The following FAAH2 variants were observed in gnomAD, a reference collection of about 807,000 sequenced individuals.
FAAH2 encodes the protein fatty-acid amide hydrolase 2.
A neutral mutation model predicts 36.9 loss-of-function variants in FAAH2; 60 were observed. The observed-to-expected ratio is 1.63, with a 90% CI of 1.32 to 2.02. The LOEUF (loss-of-function observed/expected upper bound fraction) is 2.02, where lower values mean the gene tolerates loss of function less well. Among genes scored for constraint, FAAH2 ranks in the 30% most tolerant of loss-of-function variants. The probability of loss-of-function intolerance (pLI) is 0.00; values close to 1 mark genes in which losing one functional copy is unlikely to be tolerated. For missense variants in FAAH2, 689 were observed against 397.5 expected (o/e 1.73, Z -6.23); for synonymous variants, 214 against 143.8 (o/e 1.49, Z -3.49).
At chrX:57,149,162 T>G in the FAAH2 span, among the ~76,000 whole-genome samples, 1 of 111,947 alleles carries the variant, frequency 8.9e-6, no homozygotes, top group Non-Finnish European at 1.9e-5. Context: ...GTTTTGCCAG[T>G]ATTTTATTGA....
intron 8 of FAAH2, among the ~76,000 whole-genome samples, chrX:57,433,078 G>A (rs946894446): frequency 1.4e-4 from 16 of 111,143 alleles, no homozygotes; most frequent in South Asian, 7.5e-4. Flanking sequence ...CACAAGGGGA[G>A]GAGGTTTGGC....
intron 7 of FAAH2, among the ~76,000 whole-genome samples, chrX:57,416,475 C>T (rs1390399486): frequency 9.0e-6 from 1 of 111,502 alleles, no homozygotes; most frequent in Non-Finnish European, 1.9e-5. Flanking sequence ...TTTTATTTCT[C>T]CTTTGCTCAT....
chrX:57,181,425 C>T, the FAAH2 span, among the ~76,000 whole-genome samples: 1 of 111,194 alleles, frequency 9.0e-6, no homozygotes, highest in Non-Finnish European at 1.9e-5. Context: ...AAATCGCTAT[C>T]GTTTTAATAT....
chrX:57,146,379 G>T, the FAAH2 span, among the ~76,000 whole-genome samples: 1 of 111,585 alleles, frequency 9.0e-6, no homozygotes, highest in Non-Finnish European at 1.9e-5. Flanking sequence ...GTCACTGTTG[G>T]TGTATAGCAG....
chrX:57,242,772 G>T, the FAAH2 span, among the ~76,000 whole-genome samples: 10 of 112,366 alleles, frequency 8.9e-5, no homozygotes, highest in East Asian at 2.0e-3. Flanking sequence ...CACAGACCAG[G>T]AGATTCCCTC....
At chrX:57,262,908 C>A in the FAAH2 span, among the ~76,000 whole-genome samples, 1 of 111,233 alleles carries the variant, frequency 9.0e-6, no homozygotes, top group South Asian at 3.7e-4. Context: ...CAAAATTCTA[C>A]ATTCATTCAT....
the FAAH2 span, among the ~76,000 whole-genome samples, chrX:57,196,459 T>A: frequency 1.8e-5 from 2 of 111,701 alleles, no homozygotes; most frequent in Non-Finnish European, 3.8e-5. Context: ...AGGATCTTTC[T>A]GGATGAGTCT....
chrX:57,476,140 A>T (rs745586374), intron 10 of FAAH2, among the ~76,000 whole-genome samples: 1 of 111,739 alleles, frequency 8.9e-6, no homozygotes, highest in Admixed American at 9.6e-5. Flanking sequence ...CGTCATCTGC[A>T]AACAGAGACA....
At chrX:57,386,595 C>T (rs761336489) in intron 7 of FAAH2, among the ~76,000 whole-genome samples, 1 of 111,922 alleles carries the variant, frequency 8.9e-6, no homozygotes, top group South Asian at 3.8e-4. Context: ...TGTTCTGTAG[C>T]TTTAGCAAAA....
At chrX:57,165,457 G>A in the FAAH2 span, among the ~76,000 whole-genome samples, 2 of 108,385 alleles carry the variant, frequency 1.8e-5, no homozygotes, top group African/African-American at 3.4e-5. Context: ...ACCAAACACC[G>A]CATATTCTCA....
chrX:57,427,013 G>A (rs749071224), intron 7 of FAAH2, among the ~76,000 whole-genome samples: 4 of 111,139 alleles, frequency 3.6e-5, no homozygotes, highest in Non-Finnish European at 7.6e-5. Context: ...ACCATGAGAA[G>A]AAGAGAGATG....
At chrX:57,162,246 G>A in the FAAH2 span, among the ~76,000 whole-genome samples, 1 of 111,858 alleles carries the variant, frequency 8.9e-6, no homozygotes, top group African/African-American at 3.3e-5. Flanking sequence ...AGTCTGATGG[G>A]CTTCCCTTTG....
intron 7 of FAAH2, among the ~76,000 whole-genome samples, chrX:57,418,474 C>T (rs1011568352): frequency 1.8e-5 from 2 of 111,007 alleles, no homozygotes; most frequent in Non-Finnish European, 1.9e-5. Context: ...CTTCCCTTGG[C>T]TAAGCGAGGG....
intron 7 of FAAH2, among the ~76,000 whole-genome samples, chrX:57,397,625 G>C (rs942355392): frequency 1.8e-5 from 2 of 110,333 alleles, no homozygotes; most frequent in Admixed American, 9.7e-5. Flanking sequence ...GTAGGTTTCC[G>C]CTGAGAAGTC....
intron 7 of FAAH2, among the ~76,000 whole-genome samples, chrX:57,430,823 C>T (rs1442292839): frequency 1.8e-5 from 2 of 111,683 alleles, no homozygotes; most frequent in Non-Finnish European, 3.8e-5. Context: ...AAGTGATCTT[C>T]AAAGACGATA....
the FAAH2 span, among the ~76,000 whole-genome samples, chrX:57,244,056 C>T: frequency 9.4e-6 from 1 of 106,561 alleles, no homozygotes; most frequent in Admixed American, 1.0e-4. Context: ...ACATAAATGA[C>T]CTGATGGAGC....
the FAAH2 span, among the ~76,000 whole-genome samples, chrX:57,260,484 A>G: frequency 1.8e-5 from 2 of 112,125 alleles, no homozygotes; most frequent in Non-Finnish European, 1.9e-5. Flanking sequence ...ATTTTTTGGG[A>G]TCTTAGGTTT....
chrX:57,293,813 C>G (rs1217827725), intron 2 of FAAH2, among the ~76,000 whole-genome samples: 1 of 110,910 alleles, frequency 9.0e-6, no homozygotes, highest in Non-Finnish European at 1.9e-5. Context: ...GTTTGGGCTA[C>G]TACTAGGAGA....
chrX:57,437,064 A>C (rs1225797789), intron 8 of FAAH2, among the ~76,000 whole-genome samples: 1 of 111,779 alleles, frequency 8.9e-6, no homozygotes, highest in East Asian at 2.8e-4. Context: ...TAGGAATATA[A>C]GGATGGTTTA....
Sources: gnomAD v4.1 joint callset for allele counts (sites outside exome capture counted in the v4.1 genomes callset) on GRCh38, gnomAD v4.1.1 for gene constraint, MANE v1.5 for transcripts, NCBI Gene and HGNC (gene_info 2026-07-23, HGNC 2026-07-21) for gene names.